Variants in FUNDC2 observed in about 807,000 individuals in gnomAD.
FUNDC2 encodes the protein FUN14 domain-containing protein 2.
Under a neutral mutation model 15.6 loss-of-function variants are expected in FUNDC2, and 4 were observed. The observed-to-expected ratio is 0.26, with a 90% CI of 0.13 to 0.59. The LOEUF (loss-of-function observed/expected upper bound fraction) is 0.59. Ranked by LOEUF, FUNDC2 falls within the 20% of genes least tolerant of loss-of-function variation. FUNDC2 has a pLI of 0.90. For missense variants in FUNDC2, 98 were observed against 149.7 expected (o/e 0.65, Z 1.80); for synonymous variants, 44 against 56.9 (o/e 0.77, Z 1.02).
chrX:155,050,476 C>A (rs1162493171), intron 3 of FUNDC2: 1 of 111,873 alleles, frequency 8.9e-6, no homozygotes, highest in Non-Finnish European at 1.9e-5. Flanking sequence ...AGTTTAATAG[C>A]AGGATTTTGT....
rs2073894339 is a variant in FUNDC2 at position 155,056,050 on chromosome X, C to T, written c.*1378C>T. The stretch of plus-strand genomic sequence containing the variant: ...TCCTTACATTTAAGGAAACATAAGC[C>T]ATTTTGCTTGCAATATGTATGAATC... On this transcript the variant is annotated 3_prime_UTR_variant, in exon 5 of 5. Coordinates refer to ENST00000369498, the MANE Select transcript of FUNDC2 (RefSeq NM_023934.4). The T allele has an allele frequency of 8.9e-6, 1 of 112,106 alleles. No homozygotes were observed. The highest frequency in any genetic ancestry group is 3.7e-4 in the South Asian group (1 of 2,737). The allele number at this position is 112,106 out of a possible 1,213,427, so 9.2% of individuals were successfully genotyped here.
At chrX:155,041,370 T>C (rs2073845710) in intron 2 of FUNDC2, among the ~76,000 whole-genome samples, 1 of 111,965 alleles carries the variant, frequency 8.9e-6, no homozygotes, top group Admixed American at 9.5e-5. Context: ...AAATGTTGAA[T>C]TTTTATAGTT....
chrX:155,049,005 A>G (rs1323312223), intron 3 of FUNDC2: 3 of 112,861 alleles, frequency 2.7e-5, no homozygotes, highest in African/African-American at 6.4e-5. Context: ...AAATCTTTTT[A>G]TGCCATCTGT....
chrX:155,035,046 T>A (rs781790474), intron 2 of FUNDC2, among the ~76,000 whole-genome samples: 4 of 112,256 alleles, frequency 3.6e-5, no homozygotes, highest in African/African-American at 1.3e-4. Flanking sequence ...GAACTGAAGA[T>A]CTTATTTTTA....
chrX:155,039,629 T>C (rs1005292518), intron 2 of FUNDC2, among the ~76,000 whole-genome samples: 6 of 112,364 alleles, frequency 5.3e-5, no homozygotes, highest in African/African-American at 1.9e-4. Context: ...CTTGGCATCT[T>C]TGTCAAAAAT....
rs182303684 is a variant in FUNDC2, at chrX:155,037,067, A to G, written c.284+3514A>G. ...CCATAAACATTGGTGTATCTCTCCAATTTGTTTAGGTTTTCTTTAATTTCT... is the reference window on the plus strand; with the variant it reads ...CCATAAACATTGGTGTATCTCTCCAGTTTGTTTAGGTTTTCTTTAATTTCT... On this transcript the variant is annotated intron_variant, in intron 2 of 4. Coordinates refer to ENST00000369498, the MANE Select transcript of FUNDC2 (RefSeq NM_023934.4). 1.8e-4 allele frequency among the ~76,000 whole-genome samples: 20 copies of G among 111,403 alleles called. 1 individual carries two copies. Among genetic ancestry groups the G allele is most frequent in the East Asian group, 1.4e-3 (5 of 3,562 alleles).
intron 2 of FUNDC2, among the ~76,000 whole-genome samples, chrX:155,045,410 T>C (rs1340051267): frequency 4.5e-5 from 5 of 112,223 alleles, no homozygotes; most frequent in Non-Finnish European, 9.4e-5. Context: ...ATCTGATTCA[T>C]TATAGTAACC....
chrX:155,037,100 A>G (rs1447295268), intron 2 of FUNDC2, among the ~76,000 whole-genome samples: 1 of 111,977 alleles, frequency 8.9e-6, no homozygotes, highest in Non-Finnish European at 1.9e-5. Context: ...TCTCTCAGCA[A>G]TGCTTTGTAG....
At chrX:155,027,190 G>A in intron 1 of FUNDC2, 119 bp downstream of exon 1, 1 of 817,415 alleles carries the variant, frequency 1.2e-6, no homozygotes, top group Non-Finnish European at 1.6e-6. Flanking sequence ...CAAGCGGCGC[G>A]GGGACGGGGA....
Position 155,056,908 on chromosome X carries a change from C to G in FUNDC2, c.*2236C>G, listed in dbSNP as rs1476100633. The G allele has an allele frequency of 9.1e-6, 1 of 110,361 alleles. No individual in the cohort carries two copies. Among genetic ancestry groups the G allele is most frequent in the African/African-American group, 3.3e-5 (1 of 30,550 alleles). 9.1% of individuals were successfully genotyped at this position (110,361 alleles called of 1,213,427 possible). A position where few individuals can be genotyped will look rare whatever the true frequency, so the allele number is the denominator to read the frequency against. On this transcript the variant is annotated 3_prime_UTR_variant, in exon 5 of 5. Transcript: ENST00000369498. ...CCTTGAGTAGGTTGTAATAAATAGT[C>G]TGGCCTCAGACTGTATTCTGATTGT...
chrX:155,051,847 A>G (rs781912864), intron 4 of FUNDC2, 46 bp downstream of exon 4: 1 of 1,172,669 alleles, frequency 8.5e-7, no homozygotes, highest in Non-Finnish European at 1.2e-6. Flanking sequence ...AGTGCAGACA[A>G]AAACAGGGCT....
chrX:155,056,491 G>C lies in FUNDC2; in HGVS notation c.*1819G>C, dbSNP rs1241125943. The C allele has an allele frequency of 9.3e-6, 1 of 107,660 alleles. No individual in the cohort carries two copies. The highest frequency in any genetic ancestry group is 1.9e-5 in the Non-Finnish European group (1 of 52,286). 8.9% of individuals were successfully genotyped at this position (107,660 alleles called of 1,213,427 possible). ...GTTCACATCGTATTTGCATGATTTGGATAAGTCTCTTAACCTTATAGATCC... is the reference window on the plus strand; with the variant it reads ...GTTCACATCGTATTTGCATGATTTGCATAAGTCTCTTAACCTTATAGATCC... On this transcript the variant is annotated 3_prime_UTR_variant, in exon 5 of 5. Coordinates refer to ENST00000369498, the MANE Select transcript of FUNDC2 (RefSeq NM_023934.4).
chrX:155,032,164 C>T (rs782096844), intron 1 of FUNDC2, among the ~76,000 whole-genome samples: 3 of 109,937 alleles, frequency 2.7e-5, no homozygotes, highest in East Asian at 2.8e-4. Context: ...TTAGTAGAGA[C>T]GAGGTTTCAC....
Position 155,057,982 on chromosome X carries a change from G to A in FUNDC2, c.*3310G>A, listed in dbSNP as rs1352387946. The A allele has an allele frequency of 1.8e-5, 2 of 111,278 alleles. No homozygotes were observed. Among genetic ancestry groups the A allele is most frequent in the African/African-American group, 3.3e-5 (1 of 30,499 alleles). 9.2% of individuals were successfully genotyped at this position (111,278 alleles called of 1,213,427 possible). On this transcript the variant is annotated 3_prime_UTR_variant, in exon 5 of 5. Coordinates refer to ENST00000369498, the MANE Select transcript of FUNDC2 (RefSeq NM_023934.4). The stretch of plus-strand genomic sequence containing the variant: ...GGGTGCGGGGAGAGATGTGGTGGTG[G>A]GGACCCTTGCCTGAGCAGCCCATTG...
intron 1 of FUNDC2, among the ~76,000 whole-genome samples, chrX:155,031,516 A>G (rs111816797): frequency 9.0e-6 from 1 of 110,540 alleles, no homozygotes; most frequent in Non-Finnish European, 1.9e-5. Flanking sequence ...TTTTAGTAGA[A>G]ACAGGGTTTC....
chrX:155,035,547 C>T (rs781955719), intron 2 of FUNDC2, among the ~76,000 whole-genome samples: 6 of 112,083 alleles, frequency 5.4e-5, no homozygotes, highest in Admixed American at 1.9e-4. Flanking sequence ...TGTAATTCCA[C>T]GCTCTTTCCT....
intron 3 of FUNDC2, chrX:155,050,023 A>G (rs1282334386): frequency 1.8e-5 from 2 of 111,819 alleles, no homozygotes; most frequent in Non-Finnish European, 3.8e-5. Context: ...AAAGATGTCT[A>G]TGATTGGAGA....
In FUNDC2 at chrX:155,027,363, C is replaced by T. The variant is rs782176557; in HGVS notation, c.133+292C>T. The stretch of plus-strand genomic sequence containing the variant: ...AGCCCGAAGACATTCTGTCCCCGTT[C>T]TCGGAAGCGGTCTGGCTTCTTTGTC... On this transcript the variant is annotated intron_variant, in intron 1 of 4. Transcript: ENST00000369498. 5.7e-5 allele frequency: 11 copies of T among 192,216 alleles called. No homozygotes were observed. In the South Asian group the frequency reaches 2.7e-3, roughly 47 times the overall value. 15.8% of individuals were successfully genotyped at this position (192,216 alleles called of 1,213,427 possible). A position where few individuals can be genotyped will look rare whatever the true frequency, so the allele number is the denominator to read the frequency against.
At chrX:155,032,130 C>T (rs1338353156) in intron 1 of FUNDC2, among the ~76,000 whole-genome samples, 5 of 110,186 alleles carry the variant, frequency 4.5e-5, no homozygotes, top group African/African-American at 6.6e-5. Flanking sequence ...CGCATGCCAC[C>T]ATGCCCAGCT....
Sources: gnomAD v4.1 joint callset for allele counts (sites outside exome capture counted in the v4.1 genomes callset) on GRCh38, gnomAD v4.1.1 for gene constraint, MANE v1.5 for transcripts, NCBI Gene and HGNC (gene_info 2026-07-23, HGNC 2026-07-21) for gene names.